Variants in PPP2R2B observed in about 807,000 individuals in gnomAD.
The protein encoded by PPP2R2B is protein phosphatase 2 regulatory subunit Bbeta.
A neutral mutation model predicts 46.0 loss-of-function variants in PPP2R2B; 5 were observed. The observed-to-expected ratio is 0.11, with a 90% CI of 0.06 to 0.23. PPP2R2B has a LOEUF of 0.23. Ranked by LOEUF, PPP2R2B falls within the 10% of genes least tolerant of loss-of-function variation. The pLI, the probability that PPP2R2B is intolerant of heterozygous loss-of-function variation, is 1.00. For missense variants in PPP2R2B, 367 were observed against 575.0 expected, an observed-to-expected ratio of 0.64 and a Z score of 3.70; for synonymous variants, 215 against 206.7, an observed-to-expected ratio of 1.04 and a Z score of -0.34.
At chr5:146,936,537 A>G (rs1453345601) in intron 1 of PPP2R2B, among the ~76,000 whole-genome samples, 3 of 151,516 alleles carry the variant, frequency 2.0e-5, no homozygotes, top group Non-Finnish European at 4.4e-5. Flanking sequence ...AAGAAAAAAC[A>G]AGACATGTCT....
At chr5:146,601,034 T>C (rs1581686192) in intron 7 of PPP2R2B, among the ~76,000 whole-genome samples, 1 of 152,202 alleles carries the variant, frequency 6.6e-6, no homozygotes, top group East Asian at 1.9e-4. Flanking sequence ...AATAGAATCA[T>C]AGAATATATG....
At chr5:146,601,849 T>G (rs933243790) in intron 7 of PPP2R2B, among the ~76,000 whole-genome samples, 1 of 152,202 alleles carries the variant, frequency 6.6e-6, no homozygotes, top group Non-Finnish European at 1.5e-5. Context: ...GTGTGGATTG[T>G]CTATTTGCAC....
At chr5:146,889,860 T>A (rs183655816) in intron 1 of PPP2R2B, among the ~76,000 whole-genome samples, 1 of 152,320 alleles carries the variant, frequency 6.6e-6, no homozygotes, top group East Asian at 1.9e-4. Context: ...ATGCTAATCA[T>A]ACATCTGGCA....
At chr5:147,058,829 C>G (rs987942298), upstream of PPP2R2B, among the ~76,000 whole-genome samples, 3 of 152,102 alleles carry the variant, frequency 2.0e-5, no homozygotes, top group Non-Finnish European at 4.4e-5. Context: ...GAAGAGAAAA[C>G]AGGCTGAGGG....
chr5:146,716,965 A>G (rs1055475766), intron 2 of PPP2R2B, among the ~76,000 whole-genome samples: 1 of 152,190 alleles, frequency 6.6e-6, no homozygotes, highest in South Asian at 2.1e-4. Context: ...CATCTTTTTC[A>G]GTACCTAGGA....
At chr5:146,688,242 C>T (rs545129623) in intron 5 of PPP2R2B, among the ~76,000 whole-genome samples, 19 of 151,826 alleles carry the variant, frequency 1.3e-4, no homozygotes, top group Non-Finnish European at 2.6e-4. Flanking sequence ...ATAACATGTC[C>T]CTCCAAAATA....
intron 1 of PPP2R2B, among the ~76,000 whole-genome samples, chr5:146,902,164 A>G (rs1389645050): frequency 3.3e-5 from 5 of 152,096 alleles, no homozygotes; most frequent in African/African-American, 1.2e-4. Context: ...CCTTGCCCCC[A>G]AAGTCACCAT....
At chr5:146,768,265 T>C (rs186526913) in intron 2 of PPP2R2B, among the ~76,000 whole-genome samples, 1 of 151,938 alleles carries the variant, frequency 6.6e-6, no homozygotes, top group Non-Finnish European at 1.5e-5. Context: ...GTAGAGACAG[T>C]GTTTCGCTAT....
intron 7 of PPP2R2B, among the ~76,000 whole-genome samples, chr5:146,618,441 C>G (rs1037275139): frequency 2.6e-5 from 4 of 152,158 alleles, no homozygotes; most frequent in Admixed American, 1.3e-4. Flanking sequence ...ACTGTAAGGA[C>G]GTTAATCAAT....
At chr5:146,921,499 G>C (rs1370276480) in intron 1 of PPP2R2B, among the ~76,000 whole-genome samples, 4 of 152,154 alleles carry the variant, frequency 2.6e-5, no homozygotes, top group Admixed American at 1.3e-4. Flanking sequence ...AGCATTGCTC[G>C]TGTATCTTTC....
At chr5:147,061,657 C>T (rs1871578) in intron 2 of PPP2R2B, among the ~76,000 whole-genome samples, 65,852 of 151,414 alleles carry the variant, frequency 0.43, 17,329 homozygotes, top group Middle Eastern at 0.64. Flanking sequence ...TGGCATGTGA[C>T]TAAAGCAAGA....
chr5:146,872,018 G>A (rs1439468081), intron 2 of PPP2R2B, among the ~76,000 whole-genome samples: 8 of 152,260 alleles, frequency 5.3e-5, no homozygotes, highest in African/African-American at 1.7e-4. Context: ...GCTAAGTGTC[G>A]AAATTGGACC....
rs1757703459 is a variant in PPP2R2B, at chr5:146,812,824, T to TATAC, written c.70+65177_70+65178insGTAT. Reference sequence around the variant, plus strand: ...ATATATATATATATATATATATATATATATACACACACATTTCCATTATAA... The same window carrying TATAC: ...ATATATATATATATATATATATATATATACATATACACACACATTTCCATTATAA... On this transcript the variant is annotated intron_variant, in intron 2 of 9. Transcript: ENST00000394411. Among the ~76,000 whole-genome samples, 2 of 92,700 alleles carry TATAC rather than the reference T, an allele frequency of 2.2e-5. 1 individual carries two copies. Among genetic ancestry groups the TATAC allele is most frequent in the East Asian group, 6.5e-4 (2 of 3,058 alleles). The allele number at this position is 92,700 out of a possible 152,430, so 60.8% of individuals were successfully genotyped here. A position where few individuals can be genotyped will look rare whatever the true frequency, so the allele number is the denominator to read the frequency against.
chr5:146,937,149 A>C (rs1366023062), intron 1 of PPP2R2B, among the ~76,000 whole-genome samples: 2 of 152,092 alleles, frequency 1.3e-5, no homozygotes, highest in Non-Finnish European at 2.9e-5. Context: ...TAAAAATACA[A>C]AATTAGCTGG....
At chr5:146,916,593 C>A (rs918752590) in intron 1 of PPP2R2B, among the ~76,000 whole-genome samples, 1 of 151,934 alleles carries the variant, frequency 6.6e-6, no homozygotes, top group Admixed American at 6.6e-5. Flanking sequence ...GATTAAAAAC[C>A]CGTATCCCAC....
At chr5:147,031,047 T>G (rs1755755156) in intron 1 of PPP2R2B, among the ~76,000 whole-genome samples, 1 of 152,074 alleles carries the variant, frequency 6.6e-6, no homozygotes, top group African/African-American at 2.4e-5. Flanking sequence ...CCATCCTGAC[T>G]AACACGGTAA....
rs13163144 is a variant in PPP2R2B, at chr5:146,768,362, C to T, written c.71-67220G>A. Among the ~76,000 whole-genome samples, 8 of 152,300 alleles carry T rather than the reference C, an allele frequency of 5.3e-5. No homozygotes were observed. In the South Asian group the frequency reaches 1.7e-3, roughly 32 times the overall value. Reference sequence around the variant, plus strand: ...GTCCCAAAGAGCCACCATGCAAGTCCTAAGAACTGGTTGTAATTTTGTTGT... The same window carrying T: ...GTCCCAAAGAGCCACCATGCAAGTCTTAAGAACTGGTTGTAATTTTGTTGT... On this transcript the variant is annotated intron_variant, in intron 2 of 9. Coordinates refer to ENST00000394411, the MANE Select transcript of PPP2R2B (RefSeq NM_181675.4).
Position 146,698,043 on chromosome 5 carries a change from T to C in PPP2R2B, c.270A>G (p.Glu90=). Residue 90 remains glutamate, a synonymous_variant, in exon 4 of 10, where the codon GAA becomes GAG. Transcript: ENST00000394411. The part of the protein sequence containing the change: ...FDYLKSLEIE[E]KINKIRWLPQ... ...GGAGCCATCTTATTTTATTGATTTTTTCTTCTATTTCTAAACTCTTCAGGT... is the reference window on the plus strand; with the variant it reads ...GGAGCCATCTTATTTTATTGATTTTCTCTTCTATTTCTAAACTCTTCAGGT... 1 of 1,613,742 alleles carries C rather than the reference T, an allele frequency of 6.2e-7. No homozygotes were observed. The highest frequency in any genetic ancestry group is 8.5e-7 in the Non-Finnish European group (1 of 1,179,870).
At chr5:147,017,583 T>G (rs966903594) in intron 1 of PPP2R2B, among the ~76,000 whole-genome samples, 1 of 151,178 alleles carries the variant, frequency 6.6e-6, no homozygotes, top group Non-Finnish European at 1.5e-5. Context: ...ATATTAGGAA[T>G]GCAAAGAGAA....
Sources: allele counts gnomAD v4.1 joint callset (sites outside exome capture counted in the v4.1 genomes callset), GRCh38; gene constraint gnomAD v4.1.1; transcripts MANE v1.5; gene names NCBI Gene and HGNC (gene_info 2026-07-23, HGNC 2026-07-21).